The following DYM variants were observed in gnomAD, a reference collection of about 807,000 sequenced individuals.
The protein encoded by DYM is dymeclin, also known as dyggve-Melchior-Clausen syndrome protein.
Under a neutral mutation model 93.1 loss-of-function variants are expected in DYM, and 78 were observed. The ratio of observed to expected loss-of-function variants is 0.84; its 90% CI spans 0.70 to 1.01. DYM has a LOEUF of 1.01. Ranked by LOEUF, DYM falls within the 50% of genes least tolerant of loss-of-function variation. The pLI is 0.00. For synonymous variants in DYM, 321 were observed against 319.7 expected (o/e 1.00, Z -0.04); for missense variants, 789 against 845.0 (o/e 0.93, Z 0.82).
intron 13 of DYM, among the ~76,000 whole-genome samples, chr18:49,251,651 A>C (rs572379419): frequency 6.6e-6 from 1 of 152,282 alleles, no homozygotes; most frequent in African/African-American, 2.4e-5. Context: ...AACGCACTTC[A>C]TCCTCACCAT....
intron 17 of DYM, among the ~76,000 whole-genome samples, chr18:49,067,874 T>C (rs2076594994): frequency 6.6e-6 from 1 of 151,808 alleles, no homozygotes; most frequent in Non-Finnish European, 1.5e-5. Context: ...CCTGAGGACA[T>C]GGTCCCTCCA....
At chr18:49,287,828 CAAAAA>C (rs55895967) in intron 8 of DYM, among the ~76,000 whole-genome samples, 2 of 74,972 alleles carry the variant, frequency 2.7e-5, no homozygotes, top group African/African-American at 5.6e-5. Context: ...AACTCCGTCT[CAAAAA>C]AAAAAAAAAA....
intron 2 of DYM, among the ~76,000 whole-genome samples, chr18:49,405,008 A>C (rs1377775804): frequency 1.7e-5 from 2 of 117,552 alleles, no homozygotes; most frequent in Admixed American, 8.6e-5. Flanking sequence ...GTGAGACTCC[A>C]TCTCAAAAAA....
intron 13 of DYM, among the ~76,000 whole-genome samples, chr18:49,236,668 A>G (rs16950460): frequency 0.071 from 10,784 of 152,240 alleles, 1,224 homozygotes; most frequent in African/African-American, 0.23. Flanking sequence ...GCCAATTAAC[A>G]ATGGGAAATG....
intron 14 of DYM, among the ~76,000 whole-genome samples, chr18:49,171,954 T>G (rs1215419823): frequency 6.6e-6 from 1 of 152,152 alleles, no homozygotes; most frequent in Non-Finnish European, 1.5e-5. Context: ...ATGTAATCCA[T>G]CACTACAATA....
At chr18:49,256,857 C>T (rs1408163860) in intron 13 of DYM, among the ~76,000 whole-genome samples, 153 bp downstream of exon 13, 4 of 152,000 alleles carry the variant, frequency 2.6e-5, no homozygotes, top group Non-Finnish European at 5.9e-5. Context: ...CAAAATGGAA[C>T]GAGCTATTTT....
intron 8 of DYM, among the ~76,000 whole-genome samples, chr18:49,290,666 A>G (rs1172187932): frequency 6.6e-6 from 1 of 152,078 alleles, no homozygotes; most frequent in African/African-American, 2.4e-5. Context: ...ATATATATGT[A>G]TATATATGCA....
intron 6 of DYM, among the ~76,000 whole-genome samples, chr18:49,350,412 T>G (rs544855003): frequency 2.0e-5 from 3 of 152,236 alleles, no homozygotes; most frequent in Non-Finnish European, 4.4e-5. Context: ...TCATTTTTAT[T>G]TAAAAACACT....
At chr18:49,302,214 A>C (rs1175646275) in intron 8 of DYM, among the ~76,000 whole-genome samples, 1 of 152,114 alleles carries the variant, frequency 6.6e-6, no homozygotes, top group Admixed American at 6.6e-5. Flanking sequence ...CATTACCAAG[A>C]CTCTCTGAAA....
intron 1 of DYM, among the ~76,000 whole-genome samples, chr18:49,435,154 G>A (rs544918604): frequency 6.9e-6 from 1 of 144,458 alleles, no homozygotes; most frequent in South Asian, 2.2e-4. Flanking sequence ...GTTTCAGTGA[G>A]CCAAGATCAT....
In DYM at chr18:49,039,884, A is replaced by G. The variant is rs962637164; in HGVS notation, c.*4171T>C. 5 of 152,092 alleles carry G rather than the reference A, an allele frequency of 3.3e-5. No homozygotes were observed. Among genetic ancestry groups the G allele is most frequent in the Admixed American group, 1.3e-4 (2 of 15,280 alleles). The allele number at this position is 152,092 out of a possible 1,614,324, so 9.4% of individuals were successfully genotyped here. On this transcript the variant is annotated 3_prime_UTR_variant, in exon 18 of 18. Transcript: ENST00000675505. ...ATTTCTATTGTCTGTGTTTTCCTCT[A>G]ATGGTTTTAATTCAAGTAATTAATG...
At chr18:49,333,883 C>A in intron 6 of DYM, 30 bp from the exon 7 acceptor site, 2 of 1,590,676 alleles carry the variant, frequency 1.3e-6, no homozygotes, top group South Asian at 2.2e-5. Context: ...GAGTAACAGT[C>A]ACTTTGGAAG....
At chr18:49,221,270 G>GGATGTGGAGAA (rs1311338753) in intron 13 of DYM, among the ~76,000 whole-genome samples, 1 of 152,068 alleles carries the variant, frequency 6.6e-6, no homozygotes, top group Non-Finnish European at 1.5e-5. Context: ...GTGCTGGAGA[G>GGATGTGGAGAA]GATGTGGAGA....
chr18:49,123,744 G>A (rs1941082183), intron 15 of DYM, among the ~76,000 whole-genome samples: 1 of 152,168 alleles, frequency 6.6e-6, no homozygotes, highest in South Asian at 2.1e-4. Context: ...GAGGAGATGA[G>A]ACTTCAAATT....
intron 16 of DYM, chr18:49,116,452 A>G (rs1474989488): frequency 6.6e-6 from 1 of 152,378 alleles, no homozygotes; most frequent in East Asian, 1.9e-4. Context: ...GGACAAATTC[A>G]TGAATAACAT....
chr18:49,282,025 A>G lies in DYM; in HGVS notation c.1097T>C (p.Met366Thr). Reference sequence around the variant, plus strand: ...ATTTTCCATATCTGTGCGAGCCAACATGTATGTTCTAATATTACTATTTTG... The same window carrying G: ...ATTTTCCATATCTGTGCGAGCCAACGTGTATGTTCTAATATTACTATTTTG... Reference protein sequence around the residue: ...LHQNSNIRTYMLARTDMENLV... With the variant: ...LHQNSNIRTYTLARTDMENLV... The change falls in exon 10 of 18, where the codon ATG becomes ACG. Residue 366 changes from methionine to threonine, a missense_variant. By Grantham distance (81) the Met-to-Thr change is moderately conservative. Transcript: ENST00000675505. 3.7e-6 allele frequency: 6 copies of G among 1,614,000 alleles called. No homozygotes were observed. Among genetic ancestry groups the G allele is most frequent in the Middle Eastern group, 1.7e-4 (1 of 6,058 alleles).
In DYM at chr18:49,363,248, A is replaced by G; in HGVS notation, c.422-15T>C. 3.1e-6 allele frequency: 5 copies of G among 1,603,800 alleles called. No individual in the cohort carries two copies. Among genetic ancestry groups the G allele is most frequent in the Admixed American group, 1.7e-5 (1 of 59,544 alleles). ...TGAGTCAGAACCTGGTAAGACACAT[A>G]AAAAGATTTTTTTTTAACAAAGTAC... On this transcript the variant is annotated splice_polypyrimidine_tract_variant and intron_variant, in intron 5 of 17. Transcript: ENST00000675505.
intron 6 of DYM, among the ~76,000 whole-genome samples, chr18:49,343,364 G>A (rs1299360699): frequency 6.6e-6 from 1 of 152,162 alleles, no homozygotes; most frequent in African/African-American, 2.4e-5. Flanking sequence ...CCGCCTCAAG[G>A]CCTTGAAGCT....
chr18:49,252,216 CAAA>C lies in DYM; in HGVS notation c.1460+4791_1460+4793del, dbSNP rs774500057. On this transcript the variant is annotated intron_variant, in intron 13 of 17. Transcript: ENST00000675505. ...CTGGCCAACAGAGTGAGACTTGCCTCAAAAAAAAAAAAAAAAAAAAAAAAAAGA... is the reference window on the plus strand; with the variant it reads ...CTGGCCAACAGAGTGAGACTTGCCTCAAAAAAAAAAAAAAAAAAAAAAAGA... Among the ~76,000 whole-genome samples, 74 of 27,230 alleles carry C rather than the reference CAAA, an allele frequency of 2.7e-3. 1 individual carries two copies. Among genetic ancestry groups the C allele is most frequent in the East Asian group, 9.5e-3 (7 of 736 alleles). 17.9% of individuals were successfully genotyped at this position (27,230 alleles called of 152,430 possible). A position where few individuals can be genotyped will look rare whatever the true frequency, so the allele number is the denominator to read the frequency against.
Sources: gnomAD v4.1 joint callset for allele counts (sites outside exome capture counted in the v4.1 genomes callset) on GRCh38, gnomAD v4.1.1 for gene constraint, MANE v1.5 for transcripts, NCBI Gene and HGNC (gene_info 2026-07-23, HGNC 2026-07-21) for gene names.